The following ZNF716 variants were observed in gnomAD, a reference collection of about 807,000 sequenced individuals.
ZNF716 encodes the protein zinc finger protein 716.
Under a neutral mutation model 13.4 loss-of-function variants are expected in ZNF716, and 9 were observed. The ratio of observed to expected loss-of-function variants is 0.67; its 90% CI spans 0.41 to 1.18. The LOEUF is 1.18. Ranked by LOEUF, ZNF716 falls within the 50% of genes most tolerant of loss-of-function variation. ZNF716 has a pLI of 0.01. For synonymous variants in ZNF716, 186 were observed against 195.2 expected (o/e 0.95, Z 0.39); for missense variants, 581 against 576.6 (o/e 1.01, Z -0.08).
intron 1 of ZNF716, among the ~76,000 whole-genome samples, chr7:57,455,334 T>TATA (rs1789566090): frequency 6.6e-6 from 1 of 152,174 alleles, no homozygotes; most frequent in Non-Finnish European, 1.5e-5. Context: ...CAAAGTTGAT[T>TATA]AAAAAATATT....
chr7:57,452,314 G>A (rs1429401080), intron 1 of ZNF716, among the ~76,000 whole-genome samples: 1 of 151,304 alleles, frequency 6.6e-6, no homozygotes, highest in Non-Finnish European at 1.5e-5. Flanking sequence ...GGGAAAAAAA[G>A]TTCCCATTTG....
intron 3 of ZNF716, among the ~76,000 whole-genome samples, chr7:57,465,613 G>A (rs11135653): frequency 0.34 from 52,066 of 151,992 alleles, 9,364 homozygotes; most frequent in Admixed American, 0.41. Context: ...GCCTCTCAAA[G>A]TGCTGGGATT....
At position 57,450,201 on chromosome 7, in the gene ZNF716, C is replaced by T. The variant is rs1554321318; in HGVS notation, c.-88C>T. The T allele has an allele frequency of 6.3e-7, 1 of 1,592,230 alleles. No individual in the cohort carries two copies. Among genetic ancestry groups the T allele is most frequent in the Non-Finnish European group, 8.6e-7 (1 of 1,165,184 alleles). On this transcript the variant is annotated 5_prime_UTR_variant, in exon 1 of 4. Coordinates refer to ENST00000420713, the MANE Select transcript of ZNF716 (RefSeq NM_001159279.1). ...TCTTTTTGCTTCTCTGCGCCCAGAGCTCCAGTCCTTCTCTTCACTGCTCTG... is the reference window on the plus strand; with the variant it reads ...TCTTTTTGCTTCTCTGCGCCCAGAGTTCCAGTCCTTCTCTTCACTGCTCTG...
chr7:57,461,123 C>G (rs1789702450), intron 1 of ZNF716, among the ~76,000 whole-genome samples: 1 of 149,214 alleles, frequency 6.7e-6, no homozygotes, highest in Admixed American at 6.7e-5. Context: ...AAAAAAAATA[C>G]AAAAATTAGC....
At position 57,450,299 on chromosome 7, in the gene ZNF716, G is replaced by A; in HGVS notation, c.11G>A (p.Arg4Lys). The change falls in exon 1 of 4, where the codon AGA (arginine) becomes AAA (lysine). Residue 4 changes from arginine to lysine, a missense_variant. Transcript: ENST00000420713. MAK[R>K]PGPPGSREMG... ...AGTATTCGCAGATTTATGGCTAAAA[G>A]ACCGGGACCCCCTGGAAGCCGAGAA... 4.3e-6 allele frequency: 7 copies of A among 1,614,000 alleles called. No homozygotes were observed. The South Asian group carries it at 5.5e-5, about 13-fold the overall frequency.
intron 3 of ZNF716, among the ~76,000 whole-genome samples, chr7:57,463,549 T>C (rs1789746813): frequency 2.0e-5 from 3 of 152,198 alleles, no homozygotes; most frequent in African/African-American, 7.2e-5. Context: ...CTCAAATGTG[T>C]GAGAATAGTA....
At chr7:57,454,404 T>A (rs1290596395) in intron 1 of ZNF716, among the ~76,000 whole-genome samples, 1 of 152,210 alleles carries the variant, frequency 6.6e-6, no homozygotes, top group East Asian at 1.9e-4. Flanking sequence ...TAAGTGAACA[T>A]CTCTGACTTG....
Position 57,469,084 on chromosome 7 carries a change from C to T in ZNF716, c.623C>T (p.Thr208Ile), listed in dbSNP as rs782737881. 9 of 1,608,040 alleles carry T rather than the reference C, an allele frequency of 5.6e-6. No homozygotes were observed. Among genetic ancestry groups the T allele is most frequent in the African/African-American group, 2.7e-5 (2 of 74,818 alleles). ...SRLNQHQIIH[T>I]REKSYKCEEC... Reference sequence around the variant, plus strand: ...CTAAATCAACATCAGATAATTCATACTAGGGAGAAGTCTTACAAATGTGAA... The same window carrying T: ...CTAAATCAACATCAGATAATTCATATTAGGGAGAAGTCTTACAAATGTGAA... Residue 208 changes from threonine to isoleucine, a missense_variant, in exon 4 of 4, where the codon ACT becomes ATT. Coordinates refer to ENST00000420713, the MANE Select transcript of ZNF716 (RefSeq NM_001159279.1).
chr7:57,454,694 A>C (rs1789555709), intron 1 of ZNF716, among the ~76,000 whole-genome samples: 1 of 152,184 alleles, frequency 6.6e-6, no homozygotes, highest in African/African-American at 2.4e-5. Flanking sequence ...GGACTTTGTA[A>C]AATAAAGCAA....
At chr7:57,459,606 C>A (rs1175426682) in intron 1 of ZNF716, among the ~76,000 whole-genome samples, 2 of 152,256 alleles carry the variant, frequency 1.3e-5, no homozygotes, top group East Asian at 3.9e-4. Flanking sequence ...AATCACATTG[C>A]ATAAAGCAGG....
At chr7:57,457,208 T>C (rs963853367) in intron 1 of ZNF716, among the ~76,000 whole-genome samples, 1 of 152,208 alleles carries the variant, frequency 6.6e-6, no homozygotes, top group Non-Finnish European at 1.5e-5. Flanking sequence ...TAGGGGTCTA[T>C]ACCACTTGAT....
In ZNF716 at chr7:57,472,854, T is replaced by A. The variant is rs1333204665; in HGVS notation, c.*2905T>A. ...TTTTTTACCTTATTTAATTTTTTTT[T>A]AATTTTTGTGGGTAGTGTGCATACA... On this transcript the variant is annotated 3_prime_UTR_variant, in exon 4 of 4. Transcript: ENST00000420713. 11 of 152,204 alleles carry A rather than the reference T, an allele frequency of 7.2e-5. No individual in the cohort carries two copies. Among genetic ancestry groups the A allele is most frequent in the Admixed American group, 1.3e-4 (2 of 15,284 alleles). The allele number at this position is 152,204 out of a possible 1,614,324, so 9.4% of individuals were successfully genotyped here.
At chr7:57,454,426 C>G (rs10281668) in intron 1 of ZNF716, among the ~76,000 whole-genome samples, 1,830 of 152,234 alleles carry the variant, frequency 0.012, 43 homozygotes, top group African/African-American at 0.042. Flanking sequence ...AAATTAAAGC[C>G]TGAGCCCTGT....
intron 1 of ZNF716, among the ~76,000 whole-genome samples, chr7:57,452,757 T>G (rs1321518753): frequency 2.6e-5 from 4 of 152,264 alleles, no homozygotes; most frequent in Admixed American, 6.5e-5. Flanking sequence ...TGAGTTTTTT[T>G]GGGGGAAACC....
chr7:57,461,614 TG>T (rs1422281209), intron 1 of ZNF716, among the ~76,000 whole-genome samples: 1 of 152,160 alleles, frequency 6.6e-6, no homozygotes, highest in Non-Finnish European at 1.5e-5. Context: ...TGAGAGAAAC[TG>T]GGAAGAACCC....
In ZNF716 at chr7:57,469,428, C is replaced by G. The variant is rs1489452369; in HGVS notation, c.967C>G (p.Pro323Ala). The change falls in exon 4 of 4, where the codon CCC becomes GCC. Residue 323 changes from proline (P) to alanine (A), a missense_variant. Pro to Ala is a conservative substitution (Grantham distance 27). Coordinates refer to ENST00000420713, the MANE Select transcript of ZNF716 (RefSeq NM_001159279.1). Reference sequence around the variant, plus strand: ...CAAGAGAATTCATACTGGAGAGAGACCCTACAAATGTGAAGAATGTGGCAA... The same window carrying G: ...CAAGAGAATTCATACTGGAGAGAGAGCCTACAAATGTGAAGAATGTGGCAA... ...NHKRIHTGER[P>A]YKCEECGKAF... 16 of 1,613,738 alleles carry G rather than the reference C, an allele frequency of 9.9e-6. No homozygotes were observed. Among genetic ancestry groups the G allele is most frequent in the Non-Finnish European group, 1.4e-5 (16 of 1,179,918 alleles).
chr7:57,461,840 G>C (rs1297312970), intron 1 of ZNF716, among the ~76,000 whole-genome samples: 1 of 152,086 alleles, frequency 6.6e-6, no homozygotes, highest in African/African-American at 2.4e-5. Flanking sequence ...AACTTATTCT[G>C]TATGACGTAA....
chr7:57,467,202 CTTT>C (rs1282849760), intron 3 of ZNF716, among the ~76,000 whole-genome samples: 1 of 151,950 alleles, frequency 6.6e-6, no homozygotes, highest in Non-Finnish European at 1.5e-5. Flanking sequence ...CTAATTATAT[CTTT>C]TTATGTTTTT....
chr7:57,464,326 G>T (rs1471417006), intron 3 of ZNF716, among the ~76,000 whole-genome samples: 3 of 151,860 alleles, frequency 2.0e-5, no homozygotes, highest in African/African-American at 7.3e-5. Context: ...TCGCCATGTT[G>T]TTCAGGCTGG....
Sources: allele counts gnomAD v4.1 joint callset (sites outside exome capture counted in the v4.1 genomes callset), GRCh38; gene constraint gnomAD v4.1.1; transcripts MANE v1.5; gene names NCBI Gene and HGNC (gene_info 2026-07-23, HGNC 2026-07-21).